The following CSMD1 variants were observed in gnomAD, a reference collection of about 807,000 sequenced individuals.
The protein encoded by CSMD1 is CUB and sushi domain-containing protein 1.
CSMD1 carries 213 observed loss-of-function variants against 417.5 expected under a neutral mutation model. The ratio of observed to expected loss-of-function variants is 0.51; its 90% confidence interval spans 0.46 to 0.57. The LOEUF (loss-of-function observed/expected upper bound fraction) is 0.57. CSMD1 is among the 20% of genes least tolerant of loss of function. The probability of loss-of-function intolerance (pLI) is 0.00; values close to 1 mark genes in which losing one functional copy is unlikely to be tolerated. For synonymous variants in CSMD1, 2,862 were observed against 1,736.8 expected (o/e 1.65, Z -16.11); for missense variants, 6,923 against 4,529.7 (o/e 1.53, Z -15.17).
intron 1 of CSMD1, among the ~76,000 whole-genome samples, chr8:4,749,055 C>T (rs376964776): frequency 2.9e-5 from 3 of 105,002 alleles, no homozygotes; most frequent in African/African-American, 1.4e-4. Context: ...TGCCTGTGTG[C>T]GTGTGTGTGT....
intron 10 of CSMD1, among the ~76,000 whole-genome samples, chr8:3,563,079 T>C (rs117783273): frequency 2.0e-5 from 3 of 152,138 alleles, no homozygotes; most frequent in Non-Finnish European, 2.9e-5. Context: ...GGAGGAATTA[T>C]ACAGGGTTGT....
intron 5 of CSMD1, among the ~76,000 whole-genome samples, chr8:3,860,482 A>T (rs1452773554): frequency 6.6e-6 from 1 of 152,194 alleles, no homozygotes; most frequent in Non-Finnish European, 1.5e-5. Context: ...TAGTTTTTAA[A>T]ATGTACTTGA....
intron 3 of CSMD1, among the ~76,000 whole-genome samples, chr8:4,237,777 T>G (rs1802155573): frequency 6.6e-6 from 1 of 152,178 alleles, no homozygotes; most frequent in Non-Finnish European, 1.5e-5. Context: ...CACCTCAAAG[T>G]GCTGAGATTG....
At chr8:4,031,674 C>T (rs929847301) in intron 4 of CSMD1, among the ~76,000 whole-genome samples, 2 of 152,134 alleles carry the variant, frequency 1.3e-5, no homozygotes, top group Admixed American at 6.5e-5. Flanking sequence ...TTACTTATCA[C>T]ATGTTATTAC....
chr8:4,704,953 G>A (rs1457387882), intron 1 of CSMD1, among the ~76,000 whole-genome samples: 15 of 152,200 alleles, frequency 9.9e-5, no homozygotes, highest in Admixed American at 9.8e-4. Context: ...GTTTGGCTCT[G>A]TGTCCAAATC....
At chr8:2,995,249 A>G (rs1348169022) in intron 54 of CSMD1, among the ~76,000 whole-genome samples, 1 of 152,272 alleles carries the variant, frequency 6.6e-6, no homozygotes, top group African/African-American at 2.4e-5. Context: ...AGGCATGAAC[A>G]GACATTTCAC....
intron 2 of CSMD1, among the ~76,000 whole-genome samples, chr8:4,518,790 AG>A: frequency 6.6e-6 from 1 of 152,198 alleles, no homozygotes; most frequent in Non-Finnish European, 1.5e-5. Flanking sequence ...ATTTAAAAAA[AG>A]AGGAAAAATA....
chr8:2,995,686 C>T (rs899879762), intron 54 of CSMD1, among the ~76,000 whole-genome samples: 2 of 152,134 alleles, frequency 1.3e-5, no homozygotes, highest in Admixed American at 1.3e-4. Flanking sequence ...AAAACTGTTA[C>T]ATCTGTACCA....
At chr8:3,362,007 T>C (rs186358501) in intron 20 of CSMD1, among the ~76,000 whole-genome samples, 57 of 152,308 alleles carry the variant, frequency 3.7e-4, no homozygotes, top group Admixed American at 3.5e-3. Flanking sequence ...GAAAAGTGTA[T>C]TGCCTTCAGA....
At chr8:4,214,613 T>G (rs774867293) in intron 3 of CSMD1, among the ~76,000 whole-genome samples, 3 of 152,160 alleles carry the variant, frequency 2.0e-5, no homozygotes, top group Non-Finnish European at 4.4e-5. Context: ...TATTAGAATT[T>G]TGAACAGAAA....
Position 3,262,618 on chromosome 8 carries a change from G to A in CSMD1, c.4153+21526C>T, listed in dbSNP as rs912924988. On this transcript the variant is annotated intron_variant, in intron 26 of 69. Transcript: ENST00000635120. ...CTGAAAATGTGAAAGATTATAGTCAGTGGAAGCACAGGTATTAAAGTAGAG... is the reference window on the plus strand; with the variant it reads ...CTGAAAATGTGAAAGATTATAGTCAATGGAAGCACAGGTATTAAAGTAGAG... Among the ~76,000 whole-genome samples the A allele has an allele frequency of 3.3e-5, 5 of 152,056 alleles. No individual in the cohort carries two copies. The East Asian group carries it at 7.7e-4, about 24-fold the overall frequency.
chr8:4,442,193 G>A (rs191598659), intron 2 of CSMD1, among the ~76,000 whole-genome samples: 83 of 152,258 alleles, frequency 5.5e-4, no homozygotes, highest in African/African-American at 1.8e-3. Flanking sequence ...ACAATCTCCT[G>A]ACAAATCTTT....
chr8:4,627,703 T>C (rs1585354433), intron 2 of CSMD1, among the ~76,000 whole-genome samples: 2 of 152,214 alleles, frequency 1.3e-5, no homozygotes, highest in East Asian at 1.9e-4. Context: ...TGGCTGCCTC[T>C]GCCCCGCCAA....
intron 3 of CSMD1, among the ~76,000 whole-genome samples, chr8:4,157,594 G>A (rs1330617067): frequency 5.3e-5 from 8 of 152,184 alleles, no homozygotes; most frequent in Admixed American, 2.6e-4. Context: ...TGCCGGTCAT[G>A]TAACAAATGC....
chr8:3,241,563 C>T (rs920745872), intron 26 of CSMD1, among the ~76,000 whole-genome samples: 1 of 152,224 alleles, frequency 6.6e-6, no homozygotes, highest in African/African-American at 2.4e-5. Flanking sequence ...GAGTGGCTGC[C>T]AGGTGAGTTG....
chr8:3,836,154 A>G (rs1016105125), intron 5 of CSMD1, among the ~76,000 whole-genome samples: 2 of 152,082 alleles, frequency 1.3e-5, no homozygotes, highest in African/African-American at 4.8e-5. Context: ...TTTTCTTACT[A>G]TATTCATTGT....
At chr8:3,581,450 C>G (rs1421792763) in intron 9 of CSMD1, among the ~76,000 whole-genome samples, 1 of 152,170 alleles carries the variant, frequency 6.6e-6, no homozygotes, top group Non-Finnish European at 1.5e-5. Context: ...AGCTAATTAG[C>G]TAATGTAAGC....
At chr8:4,562,862 C>T (rs1178424122) in intron 2 of CSMD1, among the ~76,000 whole-genome samples, 1 of 152,014 alleles carries the variant, frequency 6.6e-6, no homozygotes, top group Non-Finnish European at 1.5e-5. Flanking sequence ...CTCCAAAATA[C>T]CCACAAAAAC....
At chr8:4,076,754 G>A (rs947174620) in intron 3 of CSMD1, among the ~76,000 whole-genome samples, 5 of 152,098 alleles carry the variant, frequency 3.3e-5, no homozygotes, top group African/African-American at 9.7e-5. Context: ...CCTGGGGAAT[G>A]ACCTCACATT....
Sources: gnomAD v4.1 joint callset for allele counts (sites outside exome capture counted in the v4.1 genomes callset) on GRCh38, gnomAD v4.1.1 for gene constraint, MANE v1.5 for transcripts, NCBI Gene and HGNC (gene_info 2026-07-23, HGNC 2026-07-21) for gene names.